ENAH: variants seen among roughly 807,000 people sequenced by gnomAD.
ENAH encodes ENAH actin regulator.
Under a neutral mutation model 78.7 loss-of-function variants are expected in ENAH, and 23 were observed. That is an observed-to-expected ratio of 0.29 (90% confidence interval 0.21 to 0.41). The LOEUF (loss-of-function observed/expected upper bound fraction) is 0.41. Ranked by LOEUF, ENAH falls within the 10% of genes least tolerant of loss-of-function variation. The pLI, the probability that ENAH is intolerant of heterozygous loss-of-function variation, is 1.00. For synonymous variants in ENAH, 226 were observed against 241.0 expected (o/e 0.94, Z 0.58); for missense variants, 544 against 691.0 (o/e 0.79, Z 2.39).
At position 225,530,608 on chromosome 1, in the gene ENAH, A is replaced by G. The variant is rs563482071; in HGVS notation, c.380T>C (p.Leu127Pro). 1 of 1,613,644 alleles carries G rather than the reference A, an allele frequency of 6.2e-7. No homozygotes were observed. The highest frequency in any genetic ancestry group is 1.1e-5 in the South Asian group (1 of 91,060). The stretch of plus-strand genomic sequence containing the variant: ...TGGGCCATTTTGAACTTGAGCAGGT[A>G]GTTGTGAGTTTTGTCTAGGCAATGT... ...GPTLPRQNSQ[L>P]PAQVQNGPSQ... is the part of the protein sequence containing the mutation. Residue 127 changes from leucine (L) to proline (P), a missense_variant, in exon 4 of 14, where the codon CTA becomes CCA. This residue lies in a region of ENAH where 77 missense variants were observed against 151.8 expected (regional missense o/e 0.51). Transcript: ENST00000366843.
intron 4 of ENAH, among the ~76,000 whole-genome samples, chr1:225,527,987 A>C (rs1037475963): frequency 5.3e-5 from 8 of 152,350 alleles, no homozygotes; most frequent in Admixed American, 5.2e-4. Context: ...GCCATTTACC[A>C]GCTAAACATC....
intron 11 of ENAH, among the ~76,000 whole-genome samples, chr1:225,505,507 G>A (rs1332081573): frequency 6.6e-6 from 1 of 152,080 alleles, no homozygotes; most frequent in Non-Finnish European, 1.5e-5. Flanking sequence ...AACAAATACA[G>A]CAATATGCAA....
At chr1:225,607,400 A>G (rs2096961755) in intron 1 of ENAH, among the ~76,000 whole-genome samples, 1 of 151,910 alleles carries the variant, frequency 6.6e-6, no homozygotes, top group African/African-American at 2.4e-5. Flanking sequence ...CAGATGGATT[A>G]GAGGTAACTG....
At chr1:225,537,984 T>C (rs2096570185) in intron 3 of ENAH, among the ~76,000 whole-genome samples, 1 of 152,198 alleles carries the variant, frequency 6.6e-6, no homozygotes, top group Admixed American at 6.6e-5. Context: ...GTTTCTCCTA[T>C]TAGCAATTAG....
In ENAH at chr1:225,512,906, A is replaced by G. The variant is rs755426713; in HGVS notation, c.1329T>C (p.Gly443=). 3 of 1,613,828 alleles carry G rather than the reference A, an allele frequency of 1.9e-6. No homozygotes were observed. The highest frequency in any genetic ancestry group is 1.1e-5 in the South Asian group (1 of 91,062). The change falls in exon 8 of 14, where the codon GGT becomes GGC. Residue 443 remains glycine (G), a synonymous_variant. Transcript: ENST00000366843. ...GNGPLPLGGS[G]LMEEMSALLA... ...GCAGGGCACTCATTTCTTCCATTAA[A>G]CCACTACCCCCTAAAGGAAGGGGTC...
intron 2 of ENAH, among the ~76,000 whole-genome samples, chr1:225,557,779 C>A (rs1204514184): frequency 6.6e-6 from 1 of 152,066 alleles, no homozygotes; most frequent in Non-Finnish European, 1.5e-5. Flanking sequence ...TGAGACTCTG[C>A]CACTGCACTC....
chr1:225,568,846 G>C (rs554724219), intron 1 of ENAH, among the ~76,000 whole-genome samples: 37 of 152,282 alleles, frequency 2.4e-4, no homozygotes, highest in African/African-American at 8.9e-4. Context: ...AATTGCTTCA[G>C]AACAACAGGG....
At chr1:225,542,140 C>T (rs939580433) in intron 3 of ENAH, among the ~76,000 whole-genome samples, 5 of 152,210 alleles carry the variant, frequency 3.3e-5, no homozygotes, top group Non-Finnish European at 5.9e-5. Context: ...CCTTGGCCTC[C>T]TGAACTGCTG....
chr1:225,541,589 T>C (rs1009212287), intron 3 of ENAH, among the ~76,000 whole-genome samples: 3 of 152,348 alleles, frequency 2.0e-5, no homozygotes, highest in Middle Eastern at 3.4e-3. Context: ...AAATAACAAG[T>C]GCCATGCTGT....
chr1:225,517,376 G>A (rs1055730335), intron 5 of ENAH, 70 bp from the exon 6 acceptor site: 25 of 1,551,638 alleles, frequency 1.6e-5, no homozygotes, highest in Non-Finnish European at 2.2e-5. Context: ...CTTGGAGGAG[G>A]AGAAGCTTGA....
At chr1:225,529,955 G>A (rs886687548) in intron 4 of ENAH, among the ~76,000 whole-genome samples, 2 of 152,162 alleles carry the variant, frequency 1.3e-5, no homozygotes, top group Non-Finnish European at 2.9e-5. Flanking sequence ...CAGATGAGTT[G>A]GGGCTTCCAG....
intron 1 of ENAH, among the ~76,000 whole-genome samples, chr1:225,580,551 T>A (rs575684236): frequency 1.8e-4 from 27 of 152,288 alleles, no homozygotes; most frequent in African/African-American, 6.5e-4. Context: ...CACTAAAACT[T>A]TGTGTAATTT....
intron 3 of ENAH, among the ~76,000 whole-genome samples, chr1:225,536,358 C>T (rs1338970804): frequency 6.6e-6 from 1 of 151,960 alleles, no homozygotes; most frequent in Non-Finnish European, 1.5e-5. Context: ...ATCAAAGTGA[C>T]ACTCAAAATT....
chr1:225,497,916 T>A, intron 13 of ENAH, 104 bp from the exon 14 acceptor site: 5 of 859,028 alleles, frequency 5.8e-6, no homozygotes, highest in African/African-American at 2.5e-5. Flanking sequence ...AAACTCACAG[T>A]AATAAGAAGA....
At chr1:225,562,595 A>C (rs1450174370) in intron 2 of ENAH, among the ~76,000 whole-genome samples, 1 of 148,552 alleles carries the variant, frequency 6.7e-6, no homozygotes, top group Non-Finnish European at 1.5e-5. Flanking sequence ...AAAAAAAAAA[A>C]AAAAAAACAC....
At chr1:225,570,293 C>T (rs1368480075) in intron 1 of ENAH, among the ~76,000 whole-genome samples, 2 of 152,130 alleles carry the variant, frequency 1.3e-5, no homozygotes, top group Non-Finnish European at 2.9e-5. Context: ...TATTCCTTTC[C>T]ACAGCATCTG....
At position 225,514,972 on chromosome 1, in the gene ENAH, C is replaced by T. The variant is rs563268595; in HGVS notation, c.914-72G>A. On this transcript the variant is annotated intron_variant, in intron 6 of 13. Coordinates refer to ENST00000366843, the MANE Select transcript of ENAH (RefSeq NM_018212.6). ...TGATATTATTTTATGTGGGAAGGTACGCAGAATGCCATGCTAAATTAAACT... is the reference window on the plus strand; with the variant it reads ...TGATATTATTTTATGTGGGAAGGTATGCAGAATGCCATGCTAAATTAAACT... 1.2e-4 allele frequency: 142 copies of T among 1,224,204 alleles called. 2 individuals carry two copies. Among genetic ancestry groups the T allele is most frequent in the South Asian group, 1.1e-3 (84 of 77,052 alleles). The allele number at this position is 1,224,204 out of a possible 1,614,324, so 75.8% of individuals were successfully genotyped here.
In ENAH at chr1:225,497,744, T is replaced by C. The variant is rs1367958733; in HGVS notation, c.*31A>G. 2 of 1,604,666 alleles carry C rather than the reference T, an allele frequency of 1.2e-6. No individual in the cohort carries two copies. Among genetic ancestry groups the C allele is most frequent in the African/African-American group, 2.7e-5 (2 of 74,774 alleles). On this transcript the variant is annotated 3_prime_UTR_variant, in exon 14 of 14. Coordinates refer to ENST00000366843, the MANE Select transcript of ENAH (RefSeq NM_018212.6). Reference sequence around the variant, plus strand: ...GTTTGTAGGATATTTTTCCTCCAGATTAAAGTCCTATCTCTCCTTAGTCTG... The same window carrying C: ...GTTTGTAGGATATTTTTCCTCCAGACTAAAGTCCTATCTCTCCTTAGTCTG...
intron 2 of ENAH, among the ~76,000 whole-genome samples, chr1:225,557,802 C>A (rs894306491): frequency 6.6e-6 from 1 of 152,146 alleles, no homozygotes; most frequent in African/African-American, 2.4e-5. Flanking sequence ...GCCTGGGCAA[C>A]AGAGTGACAC....
Sources: gnomAD v4.1 joint callset for allele counts (sites outside exome capture counted in the v4.1 genomes callset) on GRCh38, gnomAD v4.1.1 for gene constraint, gnomAD v4.1.1 regional missense constraint, MANE v1.5 for transcripts, NCBI Gene and HGNC (gene_info 2026-07-23, HGNC 2026-07-21) for gene names.